The following CMTM7 variants were observed in gnomAD, a reference collection of about 807,000 sequenced individuals.
The protein encoded by CMTM7 is CKLF-like MARVEL transmembrane domain-containing protein 7.
In CMTM7, 7 loss-of-function variants were observed where a neutral mutation model predicts 19.3. That is an observed-to-expected ratio of 0.36 (90% confidence interval 0.21 to 0.68). The LOEUF (loss-of-function observed/expected upper bound fraction) is 0.68. Among genes scored for constraint, CMTM7 ranks in the 30% least tolerant of loss-of-function variants. The pLI, the probability that CMTM7 is intolerant of heterozygous loss-of-function variation, is 0.60. For synonymous variants in CMTM7, 87 were observed against 99.3 expected, an observed-to-expected ratio of 0.88 and a Z score of 0.74; for missense variants, 193 against 232.6, an observed-to-expected ratio of 0.83 and a Z score of 1.11.
chr3:32,429,835 G>C (rs1392243843), intron 1 of CMTM7, among the ~76,000 whole-genome samples: 1 of 152,174 alleles, frequency 6.6e-6, no homozygotes, highest in African/African-American at 2.4e-5. Context: ...TCCTGACCTT[G>C]TGATCCACCC....
In CMTM7 at chr3:32,399,398, G is replaced by T. The variant is rs866408737; in HGVS notation, c.159+7333G>T. On this transcript the variant is annotated intron_variant, in intron 1 of 4. Coordinates refer to ENST00000334983, the MANE Select transcript of CMTM7 (RefSeq NM_138410.4). ...TGCAAAATACTTTATATCCTAAAAG[G>T]ATGTTTTGTCTGAAATAAGATTGAA... is the stretch of plus-strand genomic sequence containing the variant. Among the ~76,000 whole-genome samples the T allele has an allele frequency of 2.4e-4, 36 of 152,202 alleles. No homozygotes were observed. In the South Asian group the frequency reaches 6.6e-3, roughly 28 times the overall value.
rs1447274439 is a variant in CMTM7 at position 32,446,596 on chromosome 3, C to A, written c.334-2858C>A. The stretch of plus-strand genomic sequence containing the variant: ...AATATAGTTTGGATATCTGTCCCCT[C>A]CAAATCTCATGTTAAAATTTGATTC... On this transcript the variant is annotated intron_variant, in intron 2 of 4. Coordinates refer to ENST00000334983, the MANE Select transcript of CMTM7 (RefSeq NM_138410.4). Among the ~76,000 whole-genome samples the A allele has an allele frequency of 2.0e-5, 3 of 152,104 alleles. No homozygotes were observed. The East Asian group carries it at 5.8e-4, about 29-fold the overall frequency.
rs140699966 is a variant in CMTM7 at position 32,409,846 on chromosome 3, ATAGT to A, written c.159+17786_159+17789del. On this transcript the variant is annotated intron_variant, in intron 1 of 4. Coordinates refer to ENST00000334983, the MANE Select transcript of CMTM7 (RefSeq NM_138410.4). ...TTTGCAAATGTCTTATCTGAAGTTA[ATAGT>A]TAGTAGTTCAAGTTGAGCTTTGCTG... is the stretch of plus-strand genomic sequence containing the variant. Among the ~76,000 whole-genome samples, 611 of 152,342 alleles carry A rather than the reference ATAGT, an allele frequency of 4.0e-3. 9 individuals carry two copies. The East Asian group carries it at 0.078, about 19-fold the overall frequency.
At chr3:32,408,673 T>C (rs1450970615) in intron 1 of CMTM7, among the ~76,000 whole-genome samples, 2 of 152,156 alleles carry the variant, frequency 1.3e-5, no homozygotes, top group African/African-American at 4.8e-5. Context: ...ATGAATAAAG[T>C]ATCCCCAGAT....
At chr3:32,411,994 G>A (rs572632070) in intron 1 of CMTM7, among the ~76,000 whole-genome samples, 37 of 152,322 alleles carry the variant, frequency 2.4e-4, no homozygotes, top group Non-Finnish European at 3.7e-4. Flanking sequence ...GGGAGAAAAA[G>A]TACAAGGTTT....
intron 2 of CMTM7, among the ~76,000 whole-genome samples, chr3:32,446,158 A>AT (rs1245193983): frequency 6.6e-6 from 1 of 151,792 alleles, no homozygotes; most frequent in African/African-American, 2.4e-5. Flanking sequence ...CTTGTGGGTA[A>AT]TTTTTTTTAT....
intron 1 of CMTM7, among the ~76,000 whole-genome samples, chr3:32,397,427 TTTAG>T (rs1159152805): frequency 1.3e-5 from 2 of 152,190 alleles, no homozygotes; most frequent in Admixed American, 6.5e-5. Context: ...TGGGTCTTTA[TTTAG>T]TTAGTTAATA....
At chr3:32,394,378 A>G (rs1695885192) in intron 1 of CMTM7, among the ~76,000 whole-genome samples, 1 of 152,162 alleles carries the variant, frequency 6.6e-6, no homozygotes. Context: ...TCAGTTTCAT[A>G]CTGAACAGGT....
chr3:32,407,059 G>T (rs1406695832), intron 1 of CMTM7, among the ~76,000 whole-genome samples: 2 of 152,184 alleles, frequency 1.3e-5, no homozygotes, highest in Non-Finnish European at 2.9e-5. Flanking sequence ...GGGAACCTGG[G>T]AATCTGAACA....
intron 1 of CMTM7, among the ~76,000 whole-genome samples, chr3:32,424,825 T>A (rs942575556): frequency 6.6e-6 from 1 of 152,054 alleles, no homozygotes; most frequent in Non-Finnish European, 1.5e-5. Context: ...TTTCAATTTT[T>A]TGTAGAGATG....
chr3:32,411,102 C>T (rs1302083179), intron 1 of CMTM7, among the ~76,000 whole-genome samples: 4 of 152,218 alleles, frequency 2.6e-5, no homozygotes, highest in Non-Finnish European at 4.4e-5. Context: ...TCTGTGTCAG[C>T]CGCAGGGGAT....
Position 32,454,834 on chromosome 3 carries a change from G to A in CMTM7, c.*580G>A, listed in dbSNP as rs755343567. On this transcript the variant is annotated 3_prime_UTR_variant, in exon 5 of 5. Coordinates refer to ENST00000334983, the MANE Select transcript of CMTM7 (RefSeq NM_138410.4). The stretch of plus-strand genomic sequence containing the variant: ...GTGTTTTTTAATAAAATATTGACTC[G>A]GCCAGTTGCACAAGGATTTCTTATT... 2.9e-5 allele frequency: 6 copies of A among 206,412 alleles called. No individual in the cohort carries two copies. The highest frequency in any genetic ancestry group is 7.0e-5 in the African/African-American group (3 of 42,816). The allele number at this position is 206,412 out of a possible 1,614,324, so 12.8% of individuals were successfully genotyped here. A position where few individuals can be genotyped will look rare whatever the true frequency, so the allele number is the denominator to read the frequency against.
At chr3:32,448,009 T>G (rs747678571) in intron 2 of CMTM7, among the ~76,000 whole-genome samples, 29 of 152,190 alleles carry the variant, frequency 1.9e-4, no homozygotes, top group Non-Finnish European at 4.0e-4. Flanking sequence ...CTGCTTCTTT[T>G]GAGAACAAAT....
intron 1 of CMTM7, among the ~76,000 whole-genome samples, chr3:32,425,888 G>A (rs1696424112): frequency 6.6e-6 from 1 of 152,168 alleles, no homozygotes; most frequent in Non-Finnish European, 1.5e-5. Flanking sequence ...GCTCACGCCT[G>A]TAATCCTAGC....
At chr3:32,424,614 G>T (rs1048067918) in intron 1 of CMTM7, among the ~76,000 whole-genome samples, 1 of 150,008 alleles carries the variant, frequency 6.7e-6, no homozygotes, top group Non-Finnish European at 1.5e-5. Flanking sequence ...CCCTCTCCCA[G>T]ACCACTGAGC....
intron 1 of CMTM7, among the ~76,000 whole-genome samples, chr3:32,406,293 C>T (rs138277079): frequency 6.6e-6 from 1 of 152,078 alleles, no homozygotes; most frequent in Admixed American, 6.5e-5. Flanking sequence ...GTTATCTAGC[C>T]GTGCTGTAAT....
At chr3:32,412,627 T>C (rs961940274) in intron 1 of CMTM7, among the ~76,000 whole-genome samples, 1 of 152,058 alleles carries the variant, frequency 6.6e-6, no homozygotes, top group African/African-American at 2.4e-5. Flanking sequence ...TTTAAGTTTT[T>C]GAGATGTTTG....
chr3:32,421,394 C>G (rs1417994691), intron 1 of CMTM7, among the ~76,000 whole-genome samples: 6 of 152,152 alleles, frequency 3.9e-5, no homozygotes, highest in African/African-American at 9.7e-5. Flanking sequence ...GGACAACAAC[C>G]CTCTTGTTCC....
intron 1 of CMTM7, among the ~76,000 whole-genome samples, chr3:32,430,803 C>T (rs1696507431): frequency 6.6e-6 from 1 of 151,766 alleles, no homozygotes; most frequent in Non-Finnish European, 1.5e-5. Flanking sequence ...GTGCTGCTGT[C>T]ATCCCACGTG....
Sources: allele counts gnomAD v4.1 joint callset (sites outside exome capture counted in the v4.1 genomes callset), GRCh38; gene constraint gnomAD v4.1.1; transcripts MANE v1.5; gene names NCBI Gene and HGNC (gene_info 2026-07-23, HGNC 2026-07-21).